The following NDRG1 variants were observed in gnomAD, a reference collection of about 807,000 sequenced individuals.
NDRG1 encodes the protein N-myc downstream regulated 1, also known as protein NDRG1.
Under a neutral mutation model 56.9 loss-of-function variants are expected in NDRG1, and 32 were observed. That is an observed-to-expected ratio of 0.56 (90% CI 0.42 to 0.76). NDRG1 has a LOEUF of 0.76. Among genes scored for constraint, NDRG1 ranks in the 30% least tolerant of loss-of-function variants. The pLI is 0.00. For missense variants in NDRG1, 507 were observed against 545.7 expected (o/e 0.93, Z 0.71); for synonymous variants, 211 against 204.1 (o/e 1.03, Z -0.29).
chr8:133,260,860 G>A (rs946598178), intron 5 of NDRG1, among the ~76,000 whole-genome samples: 2 of 152,136 alleles, frequency 1.3e-5, no homozygotes, highest in Non-Finnish European at 2.9e-5. Flanking sequence ...TTAAACACAG[G>A]TCAGGTGCAG....
rs1186593427 is a variant in NDRG1 at position 133,238,869 on chromosome 8, G to A, written c.*9C>T. 1.3e-6 allele frequency: 2 copies of A among 1,549,760 alleles called. No homozygotes were observed. Among genetic ancestry groups the A allele is most frequent in the African/African-American group, 1.4e-5 (1 of 73,584 alleles). On this transcript the variant is annotated 3_prime_UTR_variant, in exon 16 of 16. Coordinates refer to ENST00000323851, the MANE Select transcript of NDRG1 (RefSeq NM_006096.4). ...ATCAGAGTCCGGGGGCGGCAGCTGG[G>A]CAGGCCGCCTAGCAGGAGACCTCCA...
At chr8:133,262,327 G>T (rs2130736928) in intron 4 of NDRG1, 160 bp from the exon 5 acceptor site, 1 of 848,746 alleles carries the variant, frequency 1.2e-6, no homozygotes, top group Non-Finnish European at 1.8e-6. Flanking sequence ...TTTTGGTTTT[G>T]TCCCCATGCC....
intron 3 of NDRG1, among the ~76,000 whole-genome samples, chr8:133,265,847 T>C (rs1331490340): frequency 6.6e-6 from 1 of 152,236 alleles, no homozygotes; most frequent in Non-Finnish European, 1.5e-5. Context: ...ACCCCATGCC[T>C]ACCCTGGGCT....
At chr8:133,258,951 A>G (rs551527346) in intron 6 of NDRG1, 3 of 622,248 alleles carry the variant, frequency 4.8e-6, no homozygotes, top group Admixed American at 5.0e-5. Context: ...GCAATATAAC[A>G]TTCACGCAAG....
At chr8:133,282,664 G>A (rs558104529) in intron 2 of NDRG1, among the ~76,000 whole-genome samples, 8 of 152,306 alleles carry the variant, frequency 5.3e-5, no homozygotes, top group Admixed American at 1.3e-4. Flanking sequence ...ACTGCAATCC[G>A]CCTCACCACA....
chr8:133,239,239 G>A lies in NDRG1; in HGVS notation c.944-120C>T, dbSNP rs1361064823. 2.7e-6 allele frequency: 4 copies of A among 1,474,298 alleles called. No homozygotes were observed. The African/African-American group carries it at 4.2e-5, about 15-fold the overall frequency. The allele number at this position is 1,474,298 out of a possible 1,614,324, so 91.3% of individuals were successfully genotyped here. ...CAGCCCCAGAGAAGACTTGATCCCTGCAGCCATCCAGCTGCTGGGCCCCCG... is the reference window on the plus strand; with the variant it reads ...CAGCCCCAGAGAAGACTTGATCCCTACAGCCATCCAGCTGCTGGGCCCCCG... On this transcript the variant is annotated intron_variant, in intron 15 of 15. Transcript: ENST00000323851.
intron 15 of NDRG1, chr8:133,241,813 A>C (rs1019889262): frequency 3.2e-6 from 2 of 632,534 alleles, no homozygotes; most frequent in African/African-American, 3.6e-5. Context: ...CTTCTATTCA[A>C]CAAAGGAGGA....
At chr8:133,262,376 T>C (rs1856703581) in intron 4 of NDRG1, 2 of 602,586 alleles carry the variant, frequency 3.3e-6, no homozygotes, top group Non-Finnish European at 5.8e-6. Context: ...GTAAGTTTCA[T>C]GGGGCAAGGG....
chr8:133,240,427 G>A (rs188164336), intron 15 of NDRG1: 2 of 152,348 alleles, frequency 1.3e-5, no homozygotes. Context: ...AGCTAGTTTT[G>A]AATTCAGAAA....
At chr8:133,243,332 G>T (rs1855488329) in intron 14 of NDRG1, among the ~76,000 whole-genome samples, 1 of 152,162 alleles carries the variant, frequency 6.6e-6, no homozygotes, top group African/African-American at 2.4e-5. Context: ...AAGAATACAC[G>T]CTTGGGAATG....
At chr8:133,287,836 T>C (rs1408384449) in intron 1 of NDRG1, among the ~76,000 whole-genome samples, 1 of 152,188 alleles carries the variant, frequency 6.6e-6, no homozygotes, top group African/African-American at 2.4e-5. Flanking sequence ...TGGTGCGACA[T>C]CCACCCTCCT....
chr8:133,249,720 C>T (rs1299842341), intron 10 of NDRG1, among the ~76,000 whole-genome samples: 1 of 152,196 alleles, frequency 6.6e-6, no homozygotes, highest in Non-Finnish European at 1.5e-5. Context: ...GAGGATGTTA[C>T]CACTGAGATG....
At chr8:133,259,086 C>T in intron 6 of NDRG1, 82 bp downstream of exon 6, 1 of 1,452,228 alleles carries the variant, frequency 6.9e-7, no homozygotes, top group Non-Finnish European at 9.7e-7. Context: ...AGTGGTCAGT[C>T]CAGATCAAAG....
chr8:133,239,160 G>A (rs1319159758), intron 15 of NDRG1, 41 bp from the exon 16 acceptor site: 2 of 1,549,218 alleles, frequency 1.3e-6, no homozygotes, highest in Non-Finnish European at 8.7e-7. Flanking sequence ...GCAGGAGACT[G>A]CCAGGTGAGG....
chr8:133,269,043 C>T (rs761585959), intron 3 of NDRG1, among the ~76,000 whole-genome samples: 4 of 152,196 alleles, frequency 2.6e-5, no homozygotes, highest in Non-Finnish European at 4.4e-5. Flanking sequence ...TCTGTCCCTG[C>T]GGGGATCAAT....
At chr8:133,274,696 C>T (rs568149017) in intron 3 of NDRG1, among the ~76,000 whole-genome samples, 3 of 152,154 alleles carry the variant, frequency 2.0e-5, no homozygotes, top group Non-Finnish European at 4.4e-5. Context: ...TTTTGACAAG[C>T]AGACGTGTCA....
At chr8:133,243,612 G>A (rs2130673342) in intron 14 of NDRG1, among the ~76,000 whole-genome samples, 1 of 152,258 alleles carries the variant, frequency 6.6e-6, no homozygotes, top group East Asian at 1.9e-4. Context: ...CTCCTCTGAA[G>A]CTCTGAAAAT....
chr8:133,276,723 C>T (rs1490520050), intron 3 of NDRG1, among the ~76,000 whole-genome samples: 2 of 152,246 alleles, frequency 1.3e-5, no homozygotes, highest in Non-Finnish European at 2.9e-5. Context: ...CCTCCCCAGC[C>T]ATGTGAAACT....
chr8:133,250,874 C>T (rs1042539129), intron 9 of NDRG1, among the ~76,000 whole-genome samples: 7 of 137,278 alleles, frequency 5.1e-5, no homozygotes, highest in African/African-American at 2.0e-4. Flanking sequence ...CTTTCGTAGG[C>T]AAATCTTTCA....
Sources: allele counts gnomAD v4.1 joint callset (sites outside exome capture counted in the v4.1 genomes callset), GRCh38; gene constraint gnomAD v4.1.1; transcripts MANE v1.5; gene names NCBI Gene and HGNC (gene_info 2026-07-23, HGNC 2026-07-21).